The following ZNF475 variants were observed in gnomAD, a reference collection of about 807,000 sequenced individuals.
ZNF475 encodes zinc finger protein 475.
the ZNF475 span, among the ~76,000 whole-genome samples, chr5:122,175,644 T>C: frequency 2.0e-5 from 3 of 152,230 alleles, no homozygotes; most frequent in Non-Finnish European, 4.4e-5. Flanking sequence ...AGTCCATGTA[T>C]GTGAGCACCA....
the ZNF475 span, among the ~76,000 whole-genome samples, chr5:122,161,296 T>A: frequency 6.6e-6 from 1 of 152,222 alleles, no homozygotes; most frequent in Non-Finnish European, 1.5e-5. Context: ...GATGCCATGG[T>A]CCCATCTTTA....
At chr5:122,173,154 A>C in the ZNF475 span, among the ~76,000 whole-genome samples, 1 of 152,204 alleles carries the variant, frequency 6.6e-6, no homozygotes, top group Non-Finnish European at 1.5e-5. Context: ...TCATGCAATA[A>C]ATTTAGTGCT....
chr5:122,172,379 A>G, the ZNF475 span, among the ~76,000 whole-genome samples: 1 of 152,196 alleles, frequency 6.6e-6, no homozygotes, highest in East Asian at 1.9e-4. Context: ...TTTCTGAGCC[A>G]TTTAAACAGT....
chr5:122,166,791 A>G, the ZNF475 span, among the ~76,000 whole-genome samples: 3 of 152,214 alleles, frequency 2.0e-5, no homozygotes, highest in Admixed American at 6.5e-5. Flanking sequence ...TAGTGCTGCA[A>G]TAAACATACG....
chr5:122,167,866 A>G, the ZNF475 span, among the ~76,000 whole-genome samples: 1 of 152,220 alleles, frequency 6.6e-6, no homozygotes, highest in South Asian at 2.1e-4. Flanking sequence ...TTTTATATAA[A>G]TACAATCATG....
chr5:122,174,142 G>C, the ZNF475 span, among the ~76,000 whole-genome samples: 295 of 152,290 alleles, frequency 1.9e-3, no homozygotes, highest in African/African-American at 6.6e-3. Flanking sequence ...CATTTGCTAA[G>C]AGGGGGCCTT....
the ZNF475 span, among the ~76,000 whole-genome samples, chr5:122,166,482 C>T: frequency 5.1e-4 from 77 of 152,238 alleles, no homozygotes; most frequent in African/African-American, 1.8e-3. Flanking sequence ...TCTCCTAATG[C>T]TATCTCCCCC....
the ZNF475 span, among the ~76,000 whole-genome samples, chr5:122,180,664 A>T: frequency 6.6e-6 from 1 of 152,184 alleles, no homozygotes; most frequent in African/African-American, 2.4e-5. Flanking sequence ...CCATTCTCCT[A>T]TGTAACCGTA....
At chr5:122,179,849 C>G in the ZNF475 span, 1 of 694,694 alleles carries the variant, frequency 1.4e-6, no homozygotes, top group Non-Finnish European at 2.2e-6. Flanking sequence ...ACATTTCTTG[C>G]CTTGGTTACA....
the ZNF475 span, among the ~76,000 whole-genome samples, chr5:122,160,625 C>T: frequency 6.6e-6 from 1 of 152,276 alleles, no homozygotes; most frequent in East Asian, 1.9e-4. Context: ...CTGTATGTGG[C>T]TTTCTGCTTC....
At chr5:122,181,981 T>C in the ZNF475 span, among the ~76,000 whole-genome samples, 1 of 152,232 alleles carries the variant, frequency 6.6e-6, no homozygotes, top group African/African-American at 2.4e-5. Context: ...GTTTTTAGGA[T>C]ATAATTCATC....
At chr5:122,163,016 T>C in the ZNF475 span, 1 of 152,222 alleles carries the variant, frequency 6.6e-6, no homozygotes, top group Non-Finnish European at 1.5e-5. Flanking sequence ...AGATCATAGA[T>C]GCACAGTTAA....
At chr5:122,178,153 A>G in the ZNF475 span, among the ~76,000 whole-genome samples, 2 of 152,188 alleles carry the variant, frequency 1.3e-5, no homozygotes, top group Non-Finnish European at 2.9e-5. Context: ...ATTGGTGGGC[A>G]TTTGGGTTGG....
At chr5:122,167,401 T>C in the ZNF475 span, among the ~76,000 whole-genome samples, 1 of 152,250 alleles carries the variant, frequency 6.6e-6, no homozygotes, top group East Asian at 1.9e-4. Flanking sequence ...TTTTTATTTG[T>C]TTTCTTTTAT....
At chr5:122,179,076 G>A in the ZNF475 span, among the ~76,000 whole-genome samples, 35 of 152,286 alleles carry the variant, frequency 2.3e-4, 1 homozygote, top group South Asian at 7.0e-3. Flanking sequence ...TGAGGCCTCT[G>A]TTCTGTTCCA....
the ZNF475 span, among the ~76,000 whole-genome samples, chr5:122,176,007 TCA>T: frequency 6.6e-6 from 1 of 152,188 alleles, no homozygotes; most frequent in African/African-American, 2.4e-5. Context: ...CTCTCAAAAG[TCA>T]CTGGTATGGA....
the ZNF475 span, among the ~76,000 whole-genome samples, chr5:122,165,818 T>A: frequency 6.6e-6 from 1 of 151,840 alleles, no homozygotes; most frequent in Non-Finnish European, 1.5e-5. Flanking sequence ...TTCCAAGGAA[T>A]GTACAAAGCA....
the ZNF475 span, among the ~76,000 whole-genome samples, chr5:122,181,896 C>G: frequency 2.6e-5 from 4 of 152,136 alleles, no homozygotes; most frequent in African/African-American, 4.8e-5. Context: ...ATCTTTTTGT[C>G]AGATTATTCT....
chr5:122,182,650 T>C, the ZNF475 span: 30 of 1,533,286 alleles, frequency 2.0e-5, no homozygotes, highest in South Asian at 3.6e-4. Context: ...TAAAGCCCTT[T>C]TCTCTCTACT....
Sources: gnomAD v4.1 joint callset for allele counts (sites outside exome capture counted in the v4.1 genomes callset) on GRCh38, gnomAD v4.1.1 for gene constraint, MANE v1.5 for transcripts, NCBI Gene and HGNC (gene_info 2026-07-23, HGNC 2026-07-21) for gene names.